Variants in PTPRG observed in about 807,000 individuals in gnomAD.
PTPRG encodes the protein protein tyrosine phosphatase receptor type G, also known as receptor-type tyrosine-protein phosphatase gamma.
PTPRG carries 102 observed loss-of-function variants against 165.3 expected under a neutral mutation model. The ratio of observed to expected loss-of-function variants is 0.62; its 90% CI spans 0.53 to 0.73. The LOEUF (loss-of-function observed/expected upper bound fraction) is 0.73, where lower values mean the gene tolerates loss of function less well. Ranked by LOEUF, PTPRG falls within the 30% of genes least tolerant of loss-of-function variation. The pLI, the probability that PTPRG is intolerant of heterozygous loss-of-function variation, is 0.00. For missense variants in PTPRG, 1,866 were observed against 1,861.4 expected (o/e 1.00, Z -0.05); for synonymous variants, 675 against 669.5 (o/e 1.01, Z -0.13).
At chr3:61,906,282 G>A (rs990477622) in intron 2 of PTPRG, among the ~76,000 whole-genome samples, 10 of 150,976 alleles carry the variant, frequency 6.6e-5, no homozygotes, top group Non-Finnish European at 3.0e-5. Flanking sequence ...ATGAAACCCT[G>A]TCTCTACTAA....
intron 1 of PTPRG, among the ~76,000 whole-genome samples, chr3:61,577,289 G>A (rs1353952105): frequency 6.6e-6 from 1 of 152,174 alleles, no homozygotes; most frequent in Non-Finnish European, 1.5e-5. Context: ...GATGACATCA[G>A]GTAATCCCGT....
In PTPRG at chr3:62,283,556, G is replaced by A. The variant is rs142524264; in HGVS notation, c.4055+687G>A. Among the ~76,000 whole-genome samples the A allele has an allele frequency of 3.2e-3, 489 of 152,102 alleles. 2 individuals carry two copies. Among genetic ancestry groups the A allele is most frequent in the African/African-American group, 0.011 (454 of 41,518 alleles). ...TGTAAGTCAGTTGTATAATTGAATC[G>A]TTTCAAATCACAAACCTTTAGCCAA... On this transcript the variant is annotated intron_variant, in intron 28 of 29. Coordinates refer to ENST00000474889, the MANE Select transcript of PTPRG (RefSeq NM_002841.4).
At chr3:62,257,630 T>C (rs1372795979) in intron 16 of PTPRG, among the ~76,000 whole-genome samples, 2 of 152,108 alleles carry the variant, frequency 1.3e-5, no homozygotes, top group East Asian at 1.9e-4. Flanking sequence ...ACCCACATGG[T>C]TCACCTTGAC....
intron 1 of PTPRG, among the ~76,000 whole-genome samples, chr3:61,579,531 C>T (rs997851063): frequency 6.6e-6 from 1 of 152,206 alleles, no homozygotes; most frequent in Non-Finnish European, 1.5e-5. Flanking sequence ...GTAATTCATC[C>T]TTGCATTTTC....
At chr3:61,568,106 T>A (rs1466828285) in intron 1 of PTPRG, among the ~76,000 whole-genome samples, 1 of 152,214 alleles carries the variant, frequency 6.6e-6, no homozygotes, top group African/African-American at 2.4e-5. Flanking sequence ...AAAAGAGTTA[T>A]CGGACTTGGC....
chr3:62,103,312 C>T (rs146190441), intron 5 of PTPRG, among the ~76,000 whole-genome samples: 91 of 121,200 alleles, frequency 7.5e-4, no homozygotes, highest in African/African-American at 3.0e-3. Context: ...TATTGAAGGT[C>T]TTAATGAAAT....
intron 2 of PTPRG, among the ~76,000 whole-genome samples, chr3:61,956,449 T>C (rs2040032341): frequency 6.6e-6 from 1 of 152,152 alleles, no homozygotes; most frequent in Non-Finnish European, 1.5e-5. Flanking sequence ...CCCCTCAGCC[T>C]CACTACTCAC....
At chr3:62,058,268 C>A (rs1020425462) in intron 4 of PTPRG, among the ~76,000 whole-genome samples, 21 of 152,200 alleles carry the variant, frequency 1.4e-4, no homozygotes, top group Admixed American at 1.1e-3. Context: ...TATAAGGGAG[C>A]ATAAGTTGCC....
intron 2 of PTPRG, among the ~76,000 whole-genome samples, chr3:61,810,056 G>A (rs1479043614): frequency 6.6e-6 from 1 of 152,080 alleles, no homozygotes; most frequent in Non-Finnish European, 1.5e-5. Flanking sequence ...GCTGGAAGTG[G>A]GCTGTGCCTG....
At chr3:61,713,321 C>T (rs1389681235) in intron 1 of PTPRG, among the ~76,000 whole-genome samples, 1 of 149,764 alleles carries the variant, frequency 6.7e-6, no homozygotes, top group Non-Finnish European at 1.5e-5. Context: ...AGACCACGCT[C>T]AGCTAATTTT....
In PTPRG at chr3:62,136,748, C is replaced by T. The variant is rs60621048; in HGVS notation, c.682+4080C>T. Among the ~76,000 whole-genome samples the T allele has an allele frequency of 4.1e-3, 620 of 152,254 alleles. 10 individuals carry two copies. Among genetic ancestry groups the T allele is most frequent in the African/African-American group, 0.014 (583 of 41,546 alleles). On this transcript the variant is annotated intron_variant, in intron 6 of 29. Transcript: ENST00000474889. ...AGTTTCCCTGCACAAGCTGTCTTCTCTTGTCTGCCGCCATGTGAGACATGC... is the reference window on the plus strand; with the variant it reads ...AGTTTCCCTGCACAAGCTGTCTTCTTTTGTCTGCCGCCATGTGAGACATGC...
intron 14 of PTPRG, among the ~76,000 whole-genome samples, chr3:62,236,675 T>C (rs1701040441): frequency 6.6e-6 from 1 of 152,190 alleles, no homozygotes; most frequent in African/African-American, 2.4e-5. Flanking sequence ...TATAGAACCA[T>C]TGAGTTTAAT....
At chr3:62,206,230 G>C (rs1384576421) in intron 12 of PTPRG, among the ~76,000 whole-genome samples, 1 of 152,180 alleles carries the variant, frequency 6.6e-6, no homozygotes, top group African/African-American at 2.4e-5. Context: ...CCAGATTCCA[G>C]AGACAGGGGA....
At chr3:61,848,554 A>G (rs1355311039) in intron 2 of PTPRG, among the ~76,000 whole-genome samples, 2 of 152,120 alleles carry the variant, frequency 1.3e-5, no homozygotes, top group East Asian at 3.8e-4. Flanking sequence ...TCTTATAGCA[A>G]CTCATCAGGT....
chr3:61,741,399 A>C (rs2032978223), intron 1 of PTPRG, among the ~76,000 whole-genome samples: 1 of 152,260 alleles, frequency 6.6e-6, no homozygotes, highest in South Asian at 2.1e-4. Flanking sequence ...CATCACCCTA[A>C]GTAGTTTTCA....
intron 5 of PTPRG, among the ~76,000 whole-genome samples, chr3:62,116,419 A>G (rs1217005844): frequency 1.3e-5 from 2 of 152,194 alleles, no homozygotes; most frequent in Non-Finnish European, 2.9e-5. Context: ...AAGAGAAATA[A>G]TTTACCATAA....
intron 17 of PTPRG, among the ~76,000 whole-genome samples, chr3:62,266,829 C>A (rs967098351): frequency 6.8e-6 from 1 of 147,434 alleles, no homozygotes; most frequent in Non-Finnish European, 1.5e-5. Context: ...CAACTAGATA[C>A]ACATGTCATG....
intron 8 of PTPRG, among the ~76,000 whole-genome samples, chr3:62,173,073 C>T (rs1356375619): frequency 1.3e-5 from 2 of 152,250 alleles, no homozygotes; most frequent in African/African-American, 4.8e-5. Flanking sequence ...ATGCTCAAGT[C>T]CCTTATATAA....
rs150918240 is a variant in PTPRG, at chr3:61,842,035, C to G, written c.190+93053C>G. Among the ~76,000 whole-genome samples, 1,412 of 152,234 alleles carry G rather than the reference C, an allele frequency of 9.3e-3. 13 individuals carry two copies. The highest frequency in any genetic ancestry group is 0.024 in the Middle Eastern group (7 of 294). ...CTGATAAGTATACAAGAAATGAAAG[C>G]CTTAGCTAAATGTTTCTTTATAGGA... is the stretch of plus-strand genomic sequence containing the variant. On this transcript the variant is annotated intron_variant, in intron 2 of 29. Coordinates refer to ENST00000474889, the MANE Select transcript of PTPRG (RefSeq NM_002841.4).
Sources: allele counts gnomAD v4.1 joint callset (sites outside exome capture counted in the v4.1 genomes callset), GRCh38; gene constraint gnomAD v4.1.1; transcripts MANE v1.5; gene names NCBI Gene and HGNC (gene_info 2026-07-23, HGNC 2026-07-21).